The following PHGR1 variants were observed in gnomAD, a reference collection of about 807,000 sequenced individuals.
PHGR1 encodes the protein proline, histidine and glycine-rich protein 1.
Under a neutral mutation model 4.9 loss-of-function variants are expected in PHGR1, and 3 were observed. The observed-to-expected ratio is 0.61, with a 90% confidence interval of 0.28 to 1.58. The LOEUF (loss-of-function observed/expected upper bound fraction) is 1.58. Among genes scored for constraint, PHGR1 ranks in the 40% most tolerant of loss-of-function variants. The pLI is 0.11. For synonymous variants in PHGR1, 32 were observed against 46.1 expected, an observed-to-expected ratio of 0.69 and a Z score of 1.24; for missense variants, 81 against 118.7, an observed-to-expected ratio of 0.68 and a Z score of 1.48.
In PHGR1 at chr15:40,353,153, G is replaced by GCGCA. The variant is rs1555399088; in HGVS notation, c.-26-76_-26-75insACGC. ...TGTGTGTGTGTGTGTGTGTGCGCGC[G>GCGCA]CGCGCGCATCCGTGGGAGGGAGAAA... is the stretch of plus-strand genomic sequence containing the variant. On this transcript the variant is annotated intron_variant, in intron 1 of 3. Coordinates refer to ENST00000448599, the MANE Select transcript of PHGR1 (RefSeq NM_001145643.2). 5.4e-6 allele frequency: 7 copies of GCGCA among 1,306,130 alleles called. No individual in the cohort carries two copies. In the African/African-American group the frequency reaches 8.9e-5, roughly 17 times the overall value. The allele number at this position is 1,306,130 out of a possible 1,614,324, so 80.9% of individuals were successfully genotyped here. A position where few individuals can be genotyped will look rare whatever the true frequency, so the allele number is the denominator to read the frequency against.
chr15:40,352,016 C>T (rs540150858), intron 1 of PHGR1, among the ~76,000 whole-genome samples: 195 of 152,294 alleles, frequency 1.3e-3, no homozygotes, highest in African/African-American at 4.5e-3. Context: ...GGATTACAGG[C>T]ATGAGCCGCT....
chr15:40,355,808 G>A (rs1018880176), intron 3 of PHGR1, among the ~76,000 whole-genome samples: 2 of 152,202 alleles, frequency 1.3e-5, no homozygotes, highest in East Asian at 3.8e-4. Context: ...AAAATAAATC[G>A]AGGTACAGGG....
chr15:40,355,120 C>G (rs1251394634), intron 3 of PHGR1, among the ~76,000 whole-genome samples: 1 of 151,668 alleles, frequency 6.6e-6, no homozygotes, highest in Non-Finnish European at 1.5e-5. Flanking sequence ...ACCACAGAAG[C>G]AAGGTGGTAT....
At chr15:40,353,869 A>T (rs966493604) in intron 2 of PHGR1, 1 of 183,508 alleles carries the variant, frequency 5.4e-6, no homozygotes, top group Non-Finnish European at 1.1e-5. Flanking sequence ...TGAGAACAGA[A>T]GGTCATAAAC....
At chr15:40,355,487 C>T (rs191842668) in intron 3 of PHGR1, among the ~76,000 whole-genome samples, 11 of 152,318 alleles carry the variant, frequency 7.2e-5, no homozygotes, top group African/African-American at 2.6e-4. Flanking sequence ...ACCGTCTACA[C>T]ACATACACAC....
chr15:40,352,362 C>T (rs765493697), intron 1 of PHGR1, among the ~76,000 whole-genome samples: 8 of 152,092 alleles, frequency 5.3e-5, no homozygotes, highest in Non-Finnish European at 1.2e-4. Context: ...AGTATTTGCT[C>T]CTGACGTCAC....
intron 1 of PHGR1, among the ~76,000 whole-genome samples, chr15:40,352,702 G>A (rs778744096): frequency 4.6e-5 from 7 of 152,150 alleles, no homozygotes; most frequent in African/African-American, 1.7e-4. Flanking sequence ...CCCCATTCCT[G>A]TCCTAGCAAA....
Position 40,356,117 on chromosome 15 carries a change from C to T in PHGR1, c.63C>T (p.Cys21=), listed in dbSNP as rs1328159015. The T allele has an allele frequency of 4.5e-6, 7 of 1,549,466 alleles. No homozygotes were observed. Among genetic ancestry groups the T allele is most frequent in the Admixed American group, 2.0e-5 (1 of 50,952 alleles). The stretch of plus-strand genomic sequence containing the variant: ...GGCATGGCCATCCTCCAGGTCACTG[C>T]GGGCCACCCCCTGGCCATGGCCCAG... ...CGGHGHPPGH[C]GPPPGHGPGP... The change falls in exon 4 of 4, where the codon TGC becomes TGT. Residue 21 remains cysteine, a synonymous_variant. Coordinates refer to ENST00000448599, the MANE Select transcript of PHGR1 (RefSeq NM_001145643.2).
intron 3 of PHGR1, 50 bp downstream of exon 3, chr15:40,354,402 C>G: frequency 6.6e-7 from 1 of 1,504,542 alleles, no homozygotes; most frequent in Non-Finnish European, 8.9e-7. Context: ...ACTGTCATGT[C>G]CTCCAGACCC....
At chr15:40,355,947 C>T in intron 3 of PHGR1, 126 bp from the exon 4 acceptor site, 1 of 992,652 alleles carries the variant, frequency 1.0e-6, no homozygotes, top group Non-Finnish European at 1.5e-6. Context: ...CCCCAGCCCT[C>T]CACCGCAACT....
chr15:40,353,673 G>A (rs551569620), intron 2 of PHGR1: 1 of 224,004 alleles, frequency 4.5e-6, no homozygotes, highest in South Asian at 7.7e-5. Context: ...GAAGTAGCAG[G>A]TGATTCCCAC....
chr15:40,353,356 A>C, intron 2 of PHGR1, 89 bp downstream of exon 2: 1 of 1,511,162 alleles, frequency 6.6e-7, no homozygotes, highest in East Asian at 2.5e-5. Flanking sequence ...AGCCATAACT[A>C]GTGCGTGCCA....
chr15:40,355,929 A>C (rs1889286946), intron 3 of PHGR1, 144 bp from the exon 4 acceptor site: 7 of 834,486 alleles, frequency 8.4e-6, no homozygotes, highest in Non-Finnish European at 1.4e-5. Context: ...GGGACATGCT[A>C]CCCATGCCCC....
At chr15:40,354,905 C>A (rs184494859) in intron 3 of PHGR1, among the ~76,000 whole-genome samples, 437 of 152,282 alleles carry the variant, frequency 2.9e-3, no homozygotes, top group Non-Finnish European at 2.5e-3. Context: ...GTGGCTGTTT[C>A]CAGGCATCAC....
chr15:40,354,710 T>G (rs1208147816), intron 3 of PHGR1, among the ~76,000 whole-genome samples: 1 of 152,192 alleles, frequency 6.6e-6, no homozygotes, highest in Non-Finnish European at 1.5e-5. Context: ...GATAGCTGGC[T>G]TGCTCCCAAA....
chr15:40,352,000 G>C (rs1391368560), intron 1 of PHGR1, among the ~76,000 whole-genome samples: 1 of 152,122 alleles, frequency 6.6e-6, no homozygotes, highest in Non-Finnish European at 1.5e-5. Context: ...GCCTCCCAAA[G>C]TGCTGGGATT....
At chr15:40,353,322 C>T (rs377450590) in intron 2 of PHGR1, 55 bp downstream of exon 2, 53 of 1,549,768 alleles carry the variant, frequency 3.4e-5, no homozygotes, top group East Asian at 3.2e-4. Context: ...AGCAGGAGAG[C>T]GGTAAAGGCA....
chr15:40,352,826 T>C (rs1293009094), intron 1 of PHGR1, among the ~76,000 whole-genome samples: 1 of 152,174 alleles, frequency 6.6e-6, no homozygotes. Context: ...TACCATGACC[T>C]GGCACAGGGC....
chr15:40,351,505 A>G (rs4244577), intron 1 of PHGR1, among the ~76,000 whole-genome samples: 22,721 of 152,128 alleles, frequency 0.15, 2,580 homozygotes, highest in East Asian at 0.58. Context: ...GGTCTCTTCC[A>G]GCTTTATCAC....
Sources: allele counts gnomAD v4.1 joint callset (sites outside exome capture counted in the v4.1 genomes callset), GRCh38; gene constraint gnomAD v4.1.1; transcripts MANE v1.5; gene names NCBI Gene and HGNC (gene_info 2026-07-23, HGNC 2026-07-21).